Variants in PTPRA observed in about 807,000 individuals in gnomAD.
The protein encoded by PTPRA is receptor-type tyrosine-protein phosphatase alpha.
A neutral mutation model predicts 104.8 loss-of-function variants in PTPRA; 25 were observed. That is an observed-to-expected ratio of 0.24 (90% CI 0.17 to 0.33). The LOEUF (loss-of-function observed/expected upper bound fraction) is 0.33. Ranked by LOEUF, PTPRA falls within the 10% of genes least tolerant of loss-of-function variation. The pLI, the probability that PTPRA is intolerant of heterozygous loss-of-function variation, is 1.00. For missense variants in PTPRA, 765 were observed against 1,015.3 expected (o/e 0.75, Z 3.35); for synonymous variants, 323 against 368.9 (o/e 0.88, Z 1.43).
In PTPRA at chr20:2,950,100, C is replaced by G. The variant is rs989202822; in HGVS notation, c.-7+2076C>G. Among the ~76,000 whole-genome samples the G allele has an allele frequency of 2.6e-5, 4 of 152,072 alleles. No individual in the cohort carries two copies. In the East Asian group the frequency reaches 7.7e-4, roughly 29 times the overall value. On this transcript the variant is annotated intron_variant, in intron 3 of 23. Coordinates refer to ENST00000399903, the MANE Select transcript of PTPRA (RefSeq NM_001385305.1). This position sits in a 1 kb window ranked among gnomAD's most constrained non-coding sequence, Gnocchi z 4.0. ...CTCTCTCCTTAGAATGAGCTGGGAA[C>G]TAGTCACTCTTGTTTTCTCACCTAT...
intron 2 of PTPRA, among the ~76,000 whole-genome samples, chr20:2,941,174 G>A (rs2060905322): frequency 6.6e-6 from 1 of 152,238 alleles, no homozygotes; most frequent in Admixed American, 6.5e-5. Flanking sequence ...GGGATTACAG[G>A]TGCCTGCAAT....
intron 3 of PTPRA, 117 bp from the exon 4 acceptor site, chr20:2,964,155 C>G: frequency 1.2e-6 from 1 of 810,100 alleles, no homozygotes; most frequent in Non-Finnish European, 2.0e-6. Context: ...CCCAAAAGAT[C>G]ATTGGTTTAG....
Position 2,906,824 on chromosome 20 carries a change from G to A in PTPRA, c.-128-16383G>A, listed in dbSNP as rs547206307. On this transcript the variant is annotated intron_variant, in intron 1 of 23. Transcript: ENST00000399903. ...ATTGAGCATATTAATAACTCAGGAA[G>A]CATTTATAGAATTAGGTTTTTCTTA... 5.3e-5 allele frequency among the ~76,000 whole-genome samples: 8 copies of A among 152,270 alleles called. No homozygotes were observed. In the South Asian group the frequency reaches 1.7e-3, roughly 32 times the overall value.
At position 2,963,283 on chromosome 20, in the gene PTPRA, A is replaced by G. The variant is rs2147920360; in HGVS notation, c.-6-989A>G. 2.0e-5 allele frequency among the ~76,000 whole-genome samples: 3 copies of G among 152,322 alleles called. No homozygotes were observed. In the South Asian group the frequency reaches 6.2e-4, roughly 32 times the overall value. On this transcript the variant is annotated intron_variant, in intron 3 of 23. Coordinates refer to ENST00000399903, the MANE Select transcript of PTPRA (RefSeq NM_001385305.1). ...CCCTAGCTCTCACCCACAAAGCTGT[A>G]GTCTAGCACAGGTGACTTTTTTAAA...
intron 3 of PTPRA, among the ~76,000 whole-genome samples, chr20:2,954,767 T>C (rs2061477095): frequency 6.6e-6 from 1 of 152,212 alleles, no homozygotes; most frequent in Non-Finnish European, 1.5e-5. Flanking sequence ...CAAGAAATTT[T>C]TGCCAAATCC....
chr20:2,979,497 G>A (rs540218284), intron 6 of PTPRA, among the ~76,000 whole-genome samples: 23 of 152,264 alleles, frequency 1.5e-4, no homozygotes, highest in African/African-American at 4.8e-4. Flanking sequence ...TTGGTTTTCA[G>A]TTATATCAGT....
chr20:3,019,813 T>A (rs1462951079), intron 13 of PTPRA, among the ~76,000 whole-genome samples: 4 of 152,168 alleles, frequency 2.6e-5, no homozygotes, highest in Non-Finnish European at 5.9e-5. Flanking sequence ...AGACTCCGTC[T>A]GCAATCCCGG....
intron 3 of PTPRA, among the ~76,000 whole-genome samples, chr20:2,962,859 A>G (rs1261955882): frequency 1.3e-5 from 2 of 151,950 alleles, no homozygotes; most frequent in East Asian, 3.9e-4. Context: ...AACCACCTAC[A>G]TCTCCTTCTC....
rs531042358 is a variant in PTPRA at position 3,032,542 on chromosome 20, C to T, written c.1921-3043C>T. ...CAGCACTTTGGGAGGCCAAGGTGGG[C>T]GGATCACAAAGTCAGGAGATCGAGA... is the stretch of plus-strand genomic sequence containing the variant. On this transcript the variant is annotated intron_variant, in intron 20 of 23. Coordinates refer to ENST00000399903, the MANE Select transcript of PTPRA (RefSeq NM_001385305.1). Among the ~76,000 whole-genome samples the T allele has an allele frequency of 1.0e-2, 1,505 of 150,796 alleles. 21 individuals carry two copies. The highest frequency in any genetic ancestry group is 0.015 in the Non-Finnish European group (983 of 67,060).
chr20:2,900,619 G>T (rs1168437280), intron 1 of PTPRA, among the ~76,000 whole-genome samples: 2 of 152,102 alleles, frequency 1.3e-5, no homozygotes, highest in African/African-American at 2.4e-5. Context: ...ACTTTGGGAG[G>T]CCGGGGCGGG....
At chr20:2,870,475 T>G (rs1232460390), upstream of PTPRA, among the ~76,000 whole-genome samples, 1 of 152,258 alleles carries the variant, frequency 6.6e-6, no homozygotes, top group African/African-American at 2.4e-5. Flanking sequence ...TATTTTCATT[T>G]CAGCATTTAG....
intron 13 of PTPRA, among the ~76,000 whole-genome samples, chr20:3,018,804 G>T (rs2064622117): frequency 7.2e-6 from 1 of 138,078 alleles, no homozygotes; most frequent in Admixed American, 7.0e-5. Flanking sequence ...GGGGCGGCCG[G>T]GCAGAGGCGC....
chr20:2,992,990 T>C (rs898337417), intron 9 of PTPRA, among the ~76,000 whole-genome samples: 20 of 151,982 alleles, frequency 1.3e-4, no homozygotes, highest in African/African-American at 3.4e-4. Context: ...GAGGCTGAGG[T>C]GGGGTATTGC....
intron 9 of PTPRA, among the ~76,000 whole-genome samples, chr20:3,002,534 G>A (rs958951399): frequency 1.3e-5 from 2 of 151,960 alleles, no homozygotes. Flanking sequence ...CACCATGTTG[G>A]TCAGCTGGTC....
At chr20:3,030,025 C>CTG (rs1346446427) in intron 20 of PTPRA, among the ~76,000 whole-genome samples, 1 of 152,152 alleles carries the variant, frequency 6.6e-6, no homozygotes, top group African/African-American at 2.4e-5. Flanking sequence ...AGGGCCCTAC[C>CTG]TGTGGTTCCT....
At chr20:2,879,849 G>A (rs2089951722) in intron 1 of PTPRA, among the ~76,000 whole-genome samples, 1 of 152,162 alleles carries the variant, frequency 6.6e-6, no homozygotes, top group South Asian at 2.1e-4. Context: ...TAGATACGTA[G>A]CAAGCTGTAC....
chr20:2,985,121 AT>A (rs1294178375), intron 6 of PTPRA, among the ~76,000 whole-genome samples: 11 of 152,180 alleles, frequency 7.2e-5, no homozygotes, highest in Non-Finnish European at 2.9e-5. Context: ...GCCCACAGAT[AT>A]TTGAATGAAT....
chr20:2,872,762 G>A (rs1188387577), upstream of PTPRA, among the ~76,000 whole-genome samples: 3 of 152,188 alleles, frequency 2.0e-5, no homozygotes, highest in Non-Finnish European at 4.4e-5. This position sits in a 1 kb window ranked among gnomAD's most constrained non-coding sequence, Gnocchi z 7.9. Flanking sequence ...ACCCCGGCCG[G>A]GGGAGGGCGC....
rs544788349 is a variant in PTPRA at position 2,958,785 on chromosome 20, G to A, written c.-6-5487G>A. ...TTGCTTGAACCTAGGAGGCGGAGGT[G>A]GCAGTGAGCCTAGATCACACCACTG... is the stretch of plus-strand genomic sequence containing the variant. On this transcript the variant is annotated intron_variant, in intron 3 of 23. Coordinates refer to ENST00000399903, the MANE Select transcript of PTPRA (RefSeq NM_001385305.1). Among the ~76,000 whole-genome samples the A allele has an allele frequency of 7.4e-4, 111 of 150,076 alleles. 1 individual carries two copies. Among genetic ancestry groups the A allele is most frequent in the Non-Finnish European group, 1.2e-3 (84 of 67,424 alleles).
Sources: allele counts gnomAD v4.1 joint callset (sites outside exome capture counted in the v4.1 genomes callset), GRCh38; gene constraint gnomAD v4.1.1; non-coding constraint Gnocchi (gnomAD v3.1); transcripts MANE v1.5; gene names NCBI Gene and HGNC (gene_info 2026-07-23, HGNC 2026-07-21).